Variants in LIMCH1 observed in about 807,000 individuals in gnomAD.
LIMCH1 encodes LIM and calponin homology domains 1.
In LIMCH1, 113 loss-of-function variants were observed where a neutral mutation model predicts 176.5. The observed-to-expected ratio is 0.64, with a 90% CI of 0.55 to 0.75. The LOEUF is 0.75. Ranked by LOEUF, LIMCH1 falls within the 30% of genes least tolerant of loss-of-function variation. The pLI, the probability that LIMCH1 is intolerant of heterozygous loss-of-function variation, is 0.00. For missense variants in LIMCH1, 1,674 were observed against 1,814.9 expected, an observed-to-expected ratio of 0.92 and a Z score of 1.41; for synonymous variants, 619 against 645.9, an observed-to-expected ratio of 0.96 and a Z score of 0.63.
intron 1 of LIMCH1, among the ~76,000 whole-genome samples, chr4:41,426,395 A>G (rs2061107980): frequency 6.6e-6 from 1 of 152,204 alleles, no homozygotes; most frequent in East Asian, 1.9e-4. Flanking sequence ...GTGTTTTTCT[A>G]CATCTTTCTT....
chr4:41,650,846 A>G (rs2094265518), intron 18 of LIMCH1, among the ~76,000 whole-genome samples: 1 of 152,118 alleles, frequency 6.6e-6, no homozygotes, highest in Non-Finnish European at 1.5e-5. Flanking sequence ...TCCATTGGTC[A>G]TGAGAGAGCA....
chr4:41,522,642 T>C (rs1275811857), intron 2 of LIMCH1, among the ~76,000 whole-genome samples: 1 of 152,182 alleles, frequency 6.6e-6, no homozygotes, highest in Non-Finnish European at 1.5e-5. Flanking sequence ...TATCTATCTG[T>C]GTATTTTAAA....
intron 14 of LIMCH1, 111 bp from the exon 15 acceptor site, chr4:41,644,389 G>T: frequency 7.5e-7 from 1 of 1,327,524 alleles, no homozygotes; most frequent in African/African-American, 1.5e-5. Context: ...CCCGGGAAGG[G>T]GGCAGTTTTC....
chr4:41,576,636 C>T (rs1316466804), intron 1 of LIMCH1, among the ~76,000 whole-genome samples: 12 of 152,060 alleles, frequency 7.9e-5, no homozygotes, highest in Non-Finnish European at 5.9e-5. Context: ...CGGGGACAGT[C>T]TTTGTTTATG....
intron 1 of LIMCH1, among the ~76,000 whole-genome samples, chr4:41,428,413 G>A (rs867364846): frequency 4.6e-5 from 7 of 152,248 alleles, no homozygotes; most frequent in Middle Eastern, 6.8e-3. Flanking sequence ...CACATGAAAA[G>A]GAAATAGAGA....
intron 1 of LIMCH1, among the ~76,000 whole-genome samples, chr4:41,465,252 A>G (rs930529607): frequency 6.6e-6 from 1 of 152,058 alleles, no homozygotes; most frequent in Non-Finnish European, 1.5e-5. Context: ...TCCAAAGTCC[A>G]TAAGCCAGTC....
chr4:41,446,029 G>T (rs2063248256), intron 1 of LIMCH1, among the ~76,000 whole-genome samples: 1 of 152,228 alleles, frequency 6.6e-6, no homozygotes, highest in Non-Finnish European at 1.5e-5. Context: ...AAGGATTACG[G>T]TCTGAAGCCT....
intron 1 of LIMCH1, among the ~76,000 whole-genome samples, chr4:41,390,269 A>AGAGCGAGAGC (rs1554024867): frequency 6.7e-6 from 1 of 150,304 alleles, no homozygotes; most frequent in African/African-American, 2.5e-5. Flanking sequence ...AGAGAGAGAG[A>AGAGCGAGAGC]GAGAGCGAGA....
At position 41,658,848 on chromosome 4, in the gene LIMCH1, G is replaced by A. The variant is rs16853430; in HGVS notation, c.3037-2572G>A. On this transcript the variant is annotated intron_variant, in intron 18 of 31. Coordinates refer to ENST00000503057, the MANE Select transcript of LIMCH1 (RefSeq NM_001330672.2). ...TTGTTTATAGTATTTGTAAACACCA[G>A]TGTTCTCAAGAGGCTCATTCATCAA... Among the ~76,000 whole-genome samples the A allele has an allele frequency of 4.6e-3, 703 of 152,246 alleles. 4 individuals carry two copies. Among genetic ancestry groups the A allele is most frequent in the African/African-American group, 0.015 (624 of 41,548 alleles).
intron 22 of LIMCH1, 111 bp from the exon 23 acceptor site, chr4:41,676,271 T>A: frequency 1.4e-6 from 1 of 708,164 alleles, no homozygotes; most frequent in Non-Finnish European, 2.4e-6. Context: ...AGCCTTCTGC[T>A]CCTGTGTGTC....
chr4:41,685,178 T>C (rs1282323215), intron 27 of LIMCH1, among the ~76,000 whole-genome samples: 2 of 152,202 alleles, frequency 1.3e-5, no homozygotes, highest in Non-Finnish European at 2.9e-5. Flanking sequence ...TTTTTAATGG[T>C]GGAATTAACG....
intron 18 of LIMCH1, among the ~76,000 whole-genome samples, chr4:41,659,296 G>T (rs2094546959): frequency 6.6e-6 from 1 of 152,090 alleles, no homozygotes. Flanking sequence ...TTAAAAGTGT[G>T]TTTTAACTTA....
chr4:41,616,536 T>A (rs1396724025), intron 5 of LIMCH1, among the ~76,000 whole-genome samples: 3 of 18,674 alleles, frequency 1.6e-4, no homozygotes, highest in African/African-American at 2.8e-4. Flanking sequence ...TCTCAAAAAA[T>A]AATAATAATA....
chr4:41,650,571 A>G lies in LIMCH1; in HGVS notation c.2999A>G (p.Asn1000Ser), dbSNP rs747999911. ...LKQDNGSIEI[N>S]IKKPNSVPQE... ...CAAGACAACGGTAGCATCGAGATCA[A>G]CATAAAGAAGCCAAACTCTGTTCCC... Residue 1000 changes from asparagine to serine, a missense_variant, in exon 18 of 32, where the codon AAC becomes AGC. By Grantham distance (46) the Asn-to-Ser change is conservative. Coordinates refer to ENST00000503057, the MANE Select transcript of LIMCH1 (RefSeq NM_001330672.2). The G allele has an allele frequency of 1.2e-6, 2 of 1,613,930 alleles. No homozygotes were observed. Among genetic ancestry groups the G allele is most frequent in the Non-Finnish European group, 1.7e-6 (2 of 1,180,012 alleles).
intron 1 of LIMCH1, among the ~76,000 whole-genome samples, chr4:41,393,661 T>G (rs572466248): frequency 6.6e-6 from 1 of 152,314 alleles, no homozygotes; most frequent in South Asian, 2.1e-4. Context: ...CATTTGGAGC[T>G]TGAATATCTT....
chr4:41,594,655 G>A (rs567355408), intron 1 of LIMCH1, among the ~76,000 whole-genome samples: 2 of 152,290 alleles, frequency 1.3e-5, no homozygotes, highest in African/African-American at 4.8e-5. Context: ...TCATTAGGTT[G>A]TAGCAAGAAG....
At chr4:41,642,555 CTTTAT>C (rs1209153395) in intron 14 of LIMCH1, among the ~76,000 whole-genome samples, 1 of 151,336 alleles carries the variant, frequency 6.6e-6, no homozygotes, top group Non-Finnish European at 1.5e-5. Flanking sequence ...TTCTTTCATT[CTTTAT>C]TTTATTTTAT....
At chr4:41,423,637 C>G (rs1251640231) in intron 1 of LIMCH1, among the ~76,000 whole-genome samples, 1 of 152,030 alleles carries the variant, frequency 6.6e-6, no homozygotes, top group African/African-American at 2.4e-5. Context: ...AGCCTATAGC[C>G]TGGGGGAGAG....
At chr4:41,585,709 G>GT (rs2086318460) in intron 1 of LIMCH1, among the ~76,000 whole-genome samples, 1 of 151,982 alleles carries the variant, frequency 6.6e-6, no homozygotes, top group Non-Finnish European at 1.5e-5. Flanking sequence ...GTTATTTTCT[G>GT]TCTTTTTAAA....
Sources: gnomAD v4.1 joint callset for allele counts (sites outside exome capture counted in the v4.1 genomes callset) on GRCh38, gnomAD v4.1.1 for gene constraint, MANE v1.5 for transcripts, NCBI Gene and HGNC (gene_info 2026-07-23, HGNC 2026-07-21) for gene names.